The following MYO10 variants were observed in gnomAD, a reference collection of about 807,000 sequenced individuals.
The protein encoded by MYO10 is myosin X.
In MYO10, 133 loss-of-function variants were observed where a neutral mutation model predicts 257.3. That is an observed-to-expected ratio of 0.52 (90% CI 0.45 to 0.60). MYO10 has a LOEUF of 0.60. MYO10 is among the 20% of genes least tolerant of loss of function. The pLI, the probability that MYO10 is intolerant of heterozygous loss-of-function variation, is 0.00. For synonymous variants in MYO10, 1,104 were observed against 1,028.6 expected, an observed-to-expected ratio of 1.07 and a Z score of -1.40; for missense variants, 2,399 against 2,635.7, an observed-to-expected ratio of 0.91 and a Z score of 1.97.
chr5:16,784,749 G>A (rs1370516684), intron 4 of MYO10, among the ~76,000 whole-genome samples: 1 of 152,146 alleles, frequency 6.6e-6, no homozygotes, highest in Non-Finnish European at 1.5e-5. Flanking sequence ...CCAAGAGCTG[G>A]GACGTTATCA....
chr5:16,773,336 C>T (rs1408268443), intron 9 of MYO10, among the ~76,000 whole-genome samples: 1 of 152,042 alleles, frequency 6.6e-6, no homozygotes, highest in Non-Finnish European at 1.5e-5. Flanking sequence ...GTGTTAAAGA[C>T]CATATCAGAT....
chr5:16,680,423 G>T (rs960188918), intron 32 of MYO10, among the ~76,000 whole-genome samples: 1 of 152,084 alleles, frequency 6.6e-6, no homozygotes, highest in African/African-American at 2.4e-5. Flanking sequence ...TTGGGCTCTG[G>T]AACAGGAGTG....
At position 16,923,503 on chromosome 5, in the gene MYO10, G is replaced by A. The variant is rs573011416; in HGVS notation, c.21+12285C>T. Reference sequence around the variant, plus strand: ...GGGGTTTCACTGTGTTAGCCAGGATGGTCTCGATCTCCTGACCTCGTGATC... The same window carrying A: ...GGGGTTTCACTGTGTTAGCCAGGATAGTCTCGATCTCCTGACCTCGTGATC... On this transcript the variant is annotated intron_variant, in intron 1 of 40. Transcript: ENST00000513610. 3.3e-5 allele frequency among the ~76,000 whole-genome samples: 5 copies of A among 151,606 alleles called. No homozygotes were observed. The South Asian group carries it at 1.0e-3, about 32-fold the overall frequency.
chr5:16,671,436 A>G lies in MYO10; in HGVS notation c.5416T>C (p.Phe1806Leu). 3 of 1,614,010 alleles carry G rather than the reference A, an allele frequency of 1.9e-6. No individual in the cohort carries two copies. Among genetic ancestry groups the G allele is most frequent in the Non-Finnish European group, 2.5e-6 (3 of 1,179,870 alleles). The change falls in exon 38 of 41, where the codon TTT becomes CTT. Residue 1806 changes from phenylalanine (F) to leucine (L), a missense_variant. Physicochemically the swap from Phe to Leu is conservative, Grantham distance 22. Around this residue, in one of 3 missense-constraint regions of MYO10, gnomAD observed 1,820 missense variants for 1,939.4 expected, o/e 0.94. Transcript: ENST00000513610. ...ATTCCTTTTACCTGTTCAAACATAA[A>G]TGCAAACTCCACACTGTCTTTTGGC... ...NVPKDSVEFA[F>L]MFEQAHEAVI... is the part of the protein sequence containing the mutation.
intron 1 of MYO10, among the ~76,000 whole-genome samples, chr5:16,933,352 G>A (rs1278185475): frequency 6.6e-6 from 1 of 152,148 alleles, no homozygotes; most frequent in Non-Finnish European, 1.5e-5. Context: ...GAGAAACCCT[G>A]GTCTAGCTAG....
intron 1 of MYO10, among the ~76,000 whole-genome samples, chr5:16,893,196 CAAAAAAAA>C (rs59761183): frequency 7.2e-5 from 5 of 69,572 alleles, no homozygotes; most frequent in Admixed American, 4.9e-4. Context: ...GACTCTGTCT[CAAAAAAAA>C]AAAAAAAAAA....
chr5:16,896,546 T>C (rs1266048230), intron 1 of MYO10, among the ~76,000 whole-genome samples: 1 of 151,950 alleles, frequency 6.6e-6, no homozygotes, highest in African/African-American at 2.4e-5. Context: ...TGAGCCGAGA[T>C]CGTGCCACTG....
intron 39 of MYO10, among the ~76,000 whole-genome samples, chr5:16,670,242 T>C (rs1193516845): frequency 6.6e-6 from 1 of 152,188 alleles, no homozygotes; most frequent in Non-Finnish European, 1.5e-5. Context: ...TTTTTATCAG[T>C]GTTTAAAAAA....
chr5:16,818,377 TGTGC>T (rs1471962502), intron 2 of MYO10, among the ~76,000 whole-genome samples: 39 of 57,510 alleles, frequency 6.8e-4, no homozygotes, highest in Admixed American at 1.3e-3. Flanking sequence ...TGTGTGTGTG[TGTGC>T]GTGTGTGTGT....
At chr5:16,726,927 T>C (rs1021955528) in intron 19 of MYO10, among the ~76,000 whole-genome samples, 6 of 152,216 alleles carry the variant, frequency 3.9e-5, no homozygotes, top group East Asian at 1.9e-4. Flanking sequence ...CACAATACAA[T>C]AGCAAAGCCT....
Position 16,665,622 on chromosome 5 carries a change from A to G in MYO10, c.*1070T>C, listed in dbSNP as rs1158285741. 2 of 152,286 alleles carry G rather than the reference A, an allele frequency of 1.3e-5. No homozygotes were observed. The highest frequency in any genetic ancestry group is 2.9e-5 in the Non-Finnish European group (2 of 68,042). The allele number at this position is 152,286 out of a possible 1,614,324, so 9.4% of individuals were successfully genotyped here. On this transcript the variant is annotated 3_prime_UTR_variant, in exon 41 of 41. Transcript: ENST00000513610. ...AAGTGTTAAGACGTTTCTGGAATGCAGCGTCTCTCCCCCATAGTCAACATG... is the reference window on the plus strand; with the variant it reads ...AAGTGTTAAGACGTTTCTGGAATGCGGCGTCTCTCCCCCATAGTCAACATG...
chr5:16,917,804 G>A (rs1391192347), intron 1 of MYO10, among the ~76,000 whole-genome samples: 1 of 152,110 alleles, frequency 6.6e-6, no homozygotes, highest in African/African-American at 2.4e-5. Flanking sequence ...GAGCCCAGGA[G>A]GTCCGGGGTA....
chr5:16,863,493 A>C (rs1744161076), intron 2 of MYO10, among the ~76,000 whole-genome samples: 1 of 152,234 alleles, frequency 6.6e-6, no homozygotes, highest in Non-Finnish European at 1.5e-5. Flanking sequence ...TACCTTTGGC[A>C]AGCTAAGGTC....
Position 16,674,999 on chromosome 5 carries a change from C to G in MYO10, c.4818G>C (p.Leu1606=). ...GHDLRPLRDE[L]YCQLIKQTNK... ...TGGTCTGTTTGATAAGCTGGCAGTA[C>G]AGCTCGTCCCGCAGAGGTCGCAGGT... The change falls in exon 35 of 41, where the codon CTG becomes CTC. Residue 1606 remains leucine, a synonymous_variant. Coordinates refer to ENST00000513610, the MANE Select transcript of MYO10 (RefSeq NM_012334.3). 3 of 1,613,982 alleles carry G rather than the reference C, an allele frequency of 1.9e-6. No individual in the cohort carries two copies. The highest frequency in any genetic ancestry group is 2.5e-6 in the Non-Finnish European group (3 of 1,179,888).
intron 2 of MYO10, among the ~76,000 whole-genome samples, chr5:16,818,412 A>ATATACG (rs1561000922): frequency 1.2e-5 from 1 of 82,230 alleles, no homozygotes; most frequent in African/African-American, 5.1e-5. Flanking sequence ...GTGTGTGTGT[A>ATATACG]TATATATATA....
At chr5:16,766,990 G>T (rs1424051035) in intron 10 of MYO10, among the ~76,000 whole-genome samples, 11 of 151,598 alleles carry the variant, frequency 7.3e-5, no homozygotes, top group Non-Finnish European at 1.3e-4. Context: ...CTCCCAAAAT[G>T]TTGGGATTAC....
At chr5:16,699,210 G>A (rs970415418) in intron 26 of MYO10, among the ~76,000 whole-genome samples, 4 of 152,058 alleles carry the variant, frequency 2.6e-5, no homozygotes, top group African/African-American at 7.2e-5. Flanking sequence ...GGGGAGTCAC[G>A]ACTGTGTTCA....
Position 16,907,901 on chromosome 5 carries a change from T to C in MYO10, c.21+27887A>G, listed in dbSNP as rs185503149. ...ATAAAAATTTATCTTTACCTCTCTT[T>C]TATTAAAAAAGCAAAACATTTGATG... On this transcript the variant is annotated intron_variant, in intron 1 of 40. Transcript: ENST00000513610. Among the ~76,000 whole-genome samples, 252 of 152,328 alleles carry C rather than the reference T, an allele frequency of 1.7e-3. 9 individuals are homozygous for C. The South Asian group carries it at 0.05, about 30-fold the overall frequency.
intron 16 of MYO10, 96 bp downstream of exon 16, chr5:16,761,949 G>T: frequency 7.8e-7 from 1 of 1,280,824 alleles, no homozygotes; most frequent in Non-Finnish European, 1.1e-6. Context: ...GAGCCACCAT[G>T]CCCAGCCCAA....
Sources: allele counts gnomAD v4.1 joint callset (sites outside exome capture counted in the v4.1 genomes callset), GRCh38; gene constraint gnomAD v4.1.1; regional missense constraint gnomAD v4.1.1; transcripts MANE v1.5; gene names NCBI Gene and HGNC (gene_info 2026-07-23, HGNC 2026-07-21).